FRMD4A: variants seen among roughly 807,000 people sequenced by gnomAD.
The protein encoded by FRMD4A is FERM domain containing 4A.
In FRMD4A, 29 loss-of-function variants were observed where a neutral mutation model predicts 129.1. The observed-to-expected ratio is 0.22, with a 90% CI of 0.17 to 0.31. The LOEUF is 0.31. Ranked by LOEUF, FRMD4A falls within the 10% of genes least tolerant of loss-of-function variation. FRMD4A has a pLI of 1.00. For synonymous variants in FRMD4A, 634 were observed against 571.6 expected, an observed-to-expected ratio of 1.11 and a Z score of -1.56; for missense variants, 1,272 against 1,375.8, an observed-to-expected ratio of 0.92 and a Z score of 1.19.
intron 6 of FRMD4A, among the ~76,000 whole-genome samples, chr10:13,765,609 T>C (rs2092260650): frequency 6.6e-6 from 1 of 152,142 alleles, no homozygotes; most frequent in South Asian, 2.1e-4. Flanking sequence ...AAAGAACTCA[T>C]GAGAGCCTAC....
At chr10:13,697,220 G>A (rs977192536) in intron 14 of FRMD4A, among the ~76,000 whole-genome samples, 3 of 149,638 alleles carry the variant, frequency 2.0e-5, no homozygotes, top group Non-Finnish European at 4.4e-5. Flanking sequence ...GCGGTGGCAC[G>A]ATCTCAGCTC....
chr10:14,039,364 G>GTCCA lies in FRMD4A; in HGVS notation c.46-180453_46-180452insTGGA, dbSNP rs1565204235. On this transcript the variant is annotated intron_variant, in intron 2 of 24. Coordinates refer to ENST00000357447, the MANE Select transcript of FRMD4A (RefSeq NM_018027.5). ...TTCTTGCTCACTTTCTGATCTGTCC[G>GTCCA]TCCGTCCATCCATCCATCCATCCAT... Among the ~76,000 whole-genome samples the GTCCA allele has an allele frequency of 5.5e-5, 6 of 108,256 alleles. No individual in the cohort carries two copies. The East Asian group carries it at 1.2e-3, about 22-fold the overall frequency. 71.0% of individuals were successfully genotyped at this position (108,256 alleles called of 152,430 possible).
At chr10:13,702,913 G>GAAAAA (rs34246612) in intron 13 of FRMD4A, among the ~76,000 whole-genome samples, 41 of 131,922 alleles carry the variant, frequency 3.1e-4, no homozygotes, top group African/African-American at 1.1e-3. Context: ...AAAAGTGAAG[G>GAAAAA]AAAAAAAAAA....
At chr10:13,981,025 A>G (rs962605934) in intron 2 of FRMD4A, among the ~76,000 whole-genome samples, 2 of 152,214 alleles carry the variant, frequency 1.3e-5, no homozygotes, top group African/African-American at 4.8e-5. Flanking sequence ...TGCCTAGACT[A>G]CTGCTGAAGA....
At chr10:13,671,570 A>T (rs2083515220) in intron 16 of FRMD4A, among the ~76,000 whole-genome samples, 1 of 152,238 alleles carries the variant, frequency 6.6e-6, no homozygotes, top group South Asian at 2.1e-4. Context: ...TGTTGTGGGT[A>T]CAAGGACAGT....
At chr10:14,118,758 C>T (rs1256849971) in intron 2 of FRMD4A, among the ~76,000 whole-genome samples, 1 of 152,158 alleles carries the variant, frequency 6.6e-6, no homozygotes, top group Non-Finnish European at 1.5e-5. Flanking sequence ...ACAACGAGAA[C>T]AGTACGGGGG....
intron 2 of FRMD4A, among the ~76,000 whole-genome samples, chr10:14,257,407 TA>T (rs1247176620): frequency 1.3e-5 from 2 of 152,220 alleles, no homozygotes; most frequent in South Asian, 2.1e-4. Context: ...ACAAGGACCT[TA>T]AAAAAATAAA....
chr10:14,187,266 A>G (rs1234801152), intron 2 of FRMD4A, among the ~76,000 whole-genome samples: 1 of 152,224 alleles, frequency 6.6e-6, no homozygotes. Flanking sequence ...GCCTAACTCC[A>G]TGATATCAGA....
chr10:14,026,369 G>A lies in FRMD4A; in HGVS notation c.46-167457C>T, dbSNP rs527578561. 1.8e-3 allele frequency among the ~76,000 whole-genome samples: 268 copies of A among 152,242 alleles called. 1 individual carries two copies. The highest frequency in any genetic ancestry group is 6.3e-3 in the African/African-American group (262 of 41,544). Reference sequence around the variant, plus strand: ...GCAAAGATAAAGAAATGGACAAAAAGCACTGTATTATTTCAAAAGCAGATT... The same window carrying A: ...GCAAAGATAAAGAAATGGACAAAAAACACTGTATTATTTCAAAAGCAGATT... On this transcript the variant is annotated intron_variant, in intron 2 of 24. Coordinates refer to ENST00000357447, the MANE Select transcript of FRMD4A (RefSeq NM_018027.5).
rs12768666 is a variant in FRMD4A, at chr10:14,282,209, G to A, written c.45+47849C>T. 9.4e-3 allele frequency among the ~76,000 whole-genome samples: 1,429 copies of A among 152,218 alleles called. 6 individuals are homozygous for A. The highest frequency in any genetic ancestry group is 0.014 in the African/African-American group (599 of 41,526). Reference sequence around the variant, plus strand: ...CCCTCCCACAATGTGTGGGAATTAGGGGAGCTAAAATTCAAGATGAAATTT... The same window carrying A: ...CCCTCCCACAATGTGTGGGAATTAGAGGAGCTAAAATTCAAGATGAAATTT... On this transcript the variant is annotated intron_variant, in intron 2 of 24. Transcript: ENST00000357447.
chr10:14,329,014 C>T (rs917964390), intron 2 of FRMD4A, among the ~76,000 whole-genome samples: 43 of 152,178 alleles, frequency 2.8e-4, no homozygotes, highest in Admixed American at 2.6e-3. Flanking sequence ...TTTTGAGCAA[C>T]GAAGAACCAA....
At chr10:14,156,761 C>T (rs1016550960) in intron 2 of FRMD4A, among the ~76,000 whole-genome samples, 1 of 152,208 alleles carries the variant, frequency 6.6e-6, no homozygotes, top group African/African-American at 2.4e-5. Context: ...ACCTTAGACG[C>T]TTCCACAGAC....
rs554735973 is a variant in FRMD4A at position 14,226,123 on chromosome 10, T to A, written c.45+103935A>T. 8.5e-5 allele frequency among the ~76,000 whole-genome samples: 13 copies of A among 152,338 alleles called. No homozygotes were observed. The East Asian group carries it at 9.6e-4, about 11-fold the overall frequency. Reference sequence around the variant, plus strand: ...CTCCCTGCATGTTTTTTTTAAATTTTAAAAAATTTTACTTTAAGTTCTTGA... The same window carrying A: ...CTCCCTGCATGTTTTTTTTAAATTTAAAAAAATTTTACTTTAAGTTCTTGA... On this transcript the variant is annotated intron_variant, in intron 2 of 24. Transcript: ENST00000357447.
intron 12 of FRMD4A, among the ~76,000 whole-genome samples, chr10:13,731,165 C>G (rs1051816755): frequency 1.3e-5 from 2 of 152,070 alleles, no homozygotes; most frequent in African/African-American, 4.8e-5. Flanking sequence ...CAACCGTAGC[C>G]ATGACAAAGG....
At chr10:14,005,597 T>A (rs1247076834) in intron 2 of FRMD4A, among the ~76,000 whole-genome samples, 1 of 152,180 alleles carries the variant, frequency 6.6e-6, no homozygotes, top group Non-Finnish European at 1.5e-5. Context: ...TAATGGCATA[T>A]CTTCTATATT....
chr10:13,814,398 A>AC (rs1287855012), intron 3 of FRMD4A, among the ~76,000 whole-genome samples: 1 of 151,420 alleles, frequency 6.6e-6, no homozygotes, highest in Non-Finnish European at 1.5e-5. Flanking sequence ...ATATAGCAAG[A>AC]CCCCATCTCT....
chr10:13,806,389 G>A (rs2093357426), intron 4 of FRMD4A, among the ~76,000 whole-genome samples: 1 of 152,166 alleles, frequency 6.6e-6, no homozygotes, highest in Admixed American at 6.5e-5. Flanking sequence ...GGATGCCAGT[G>A]TTTGATAAAT....
At position 14,120,970 on chromosome 10, in the gene FRMD4A, T is replaced by C. The variant is rs142187500; in HGVS notation, c.45+209088A>G. ...AAGCAATGGGATTTAAGAGCAGTTT[T>C]CTGGGTGTGATCTTACCCTGCTGTA... is the stretch of plus-strand genomic sequence containing the variant. On this transcript the variant is annotated intron_variant, in intron 2 of 24. Coordinates refer to ENST00000357447, the MANE Select transcript of FRMD4A (RefSeq NM_018027.5). 6.4e-4 allele frequency among the ~76,000 whole-genome samples: 97 copies of C among 152,336 alleles called. 1 individual carries two copies. The East Asian group carries it at 0.011, about 18-fold the overall frequency.
At chr10:14,083,924 A>G (rs1836087519) in intron 2 of FRMD4A, 1 of 152,242 alleles carries the variant, frequency 6.6e-6, no homozygotes, top group Non-Finnish European at 1.5e-5. Flanking sequence ...TTCTAAAGAA[A>G]GAATGCCATG....
Sources: gnomAD v4.1 joint callset for allele counts (sites outside exome capture counted in the v4.1 genomes callset) on GRCh38, gnomAD v4.1.1 for gene constraint, MANE v1.5 for transcripts, NCBI Gene and HGNC (gene_info 2026-07-23, HGNC 2026-07-21) for gene names.